TENM2: variants seen among roughly 807,000 people sequenced by gnomAD.
TENM2 encodes teneurin-2.
TENM2 carries 52 observed loss-of-function variants against 245.2 expected under a neutral mutation model. The ratio of observed to expected loss-of-function variants is 0.21; its 90% CI spans 0.17 to 0.27. The LOEUF (loss-of-function observed/expected upper bound fraction) is 0.27. TENM2 is among the 10% of genes least tolerant of loss of function. The pLI is 1.00. For missense variants in TENM2, 3,046 were observed against 3,666.8 expected, an observed-to-expected ratio of 0.83 and a Z score of 4.37; for synonymous variants, 1,363 against 1,438.9, an observed-to-expected ratio of 0.95 and a Z score of 1.19.
intron 13 of TENM2, chr5:168,186,111 C>T (rs1410279675): frequency 6.6e-6 from 1 of 151,692 alleles, no homozygotes; most frequent in African/African-American, 2.4e-5. Context: ...GGCTGATTAC[C>T]TTTCCAAGCT....
chr5:168,132,211 A>G (rs547785626), intron 12 of TENM2, among the ~76,000 whole-genome samples: 139 of 152,340 alleles, frequency 9.1e-4, no homozygotes, highest in African/African-American at 3.3e-3. Context: ...GCAAAAACAT[A>G]AAAGGAAAGA....
intron 2 of TENM2, among the ~76,000 whole-genome samples, chr5:167,476,753 C>T (rs1201537535): frequency 6.6e-6 from 1 of 152,092 alleles, no homozygotes; most frequent in Non-Finnish European, 1.5e-5. Flanking sequence ...CACCTGCTGT[C>T]ACGCCCAGCT....
intron 2 of TENM2, among the ~76,000 whole-genome samples, chr5:167,522,937 C>A (rs958734291): frequency 1.3e-5 from 2 of 152,080 alleles, no homozygotes; most frequent in African/African-American, 4.8e-5. Context: ...AACAAAAATT[C>A]ATTTTTTTGC....
intron 2 of TENM2, among the ~76,000 whole-genome samples, chr5:167,869,437 G>A (rs775292231): frequency 3.9e-5 from 6 of 152,156 alleles, no homozygotes; most frequent in Admixed American, 6.5e-5. Flanking sequence ...TGTTATTCAC[G>A]TCCCAGAGTC....
chr5:167,641,231 A>C (rs1375649196), intron 2 of TENM2, among the ~76,000 whole-genome samples: 1 of 152,114 alleles, frequency 6.6e-6, no homozygotes, highest in Non-Finnish European at 1.5e-5. Context: ...AAATCTAAAA[A>C]ATTAAAATTG....
chr5:167,873,519 A>G (rs984812140), intron 2 of TENM2, among the ~76,000 whole-genome samples: 2 of 152,122 alleles, frequency 1.3e-5, no homozygotes, highest in African/African-American at 2.4e-5. Flanking sequence ...CATGTATGAA[A>G]TGGGAATGTG....
intron 2 of TENM2, among the ~76,000 whole-genome samples, chr5:167,746,591 C>G (rs1561732548): frequency 6.6e-6 from 1 of 151,220 alleles, no homozygotes; most frequent in African/African-American, 2.4e-5. Context: ...GAATCTGTGC[C>G]AAGACTTAAG....
chr5:167,823,710 T>C (rs766037502), intron 2 of TENM2, among the ~76,000 whole-genome samples: 10 of 152,192 alleles, frequency 6.6e-5, no homozygotes, highest in Non-Finnish European at 1.3e-4. Flanking sequence ...AGAAAAATCG[T>C]TGTGACAGTT....
the TENM2 span, among the ~76,000 whole-genome samples, chr5:167,058,610 G>A: frequency 6.6e-6 from 1 of 152,166 alleles, no homozygotes; most frequent in East Asian, 1.9e-4. Context: ...AATCAGCCAG[G>A]TGTGGTGGTG....
intron 5 of TENM2, among the ~76,000 whole-genome samples, chr5:167,993,812 A>C (rs1783850020): frequency 1.3e-5 from 2 of 152,218 alleles, no homozygotes; most frequent in Admixed American, 1.3e-4. Flanking sequence ...CTGAATCTGA[A>C]TCAGGGTCAC....
chr5:167,742,609 C>T (rs907618141), intron 2 of TENM2, among the ~76,000 whole-genome samples: 17 of 151,954 alleles, frequency 1.1e-4, no homozygotes, highest in African/African-American at 4.1e-4. Flanking sequence ...GGGAAGGAGG[C>T]ATTGGGCTAA....
intron 2 of TENM2, among the ~76,000 whole-genome samples, chr5:167,850,148 G>T (rs1487385771): frequency 6.6e-6 from 1 of 152,132 alleles, no homozygotes; most frequent in South Asian, 2.1e-4. Flanking sequence ...CTCATGAGAA[G>T]ACAAAAGACT....
chr5:167,185,592 G>C, the TENM2 span, among the ~76,000 whole-genome samples: 1 of 151,978 alleles, frequency 6.6e-6, no homozygotes, highest in African/African-American at 2.4e-5. Flanking sequence ...CACTATCATA[G>C]ATTTCAAGTT....
At chr5:166,984,100 CT>C in the TENM2 span, among the ~76,000 whole-genome samples, 1 of 151,958 alleles carries the variant, frequency 6.6e-6, no homozygotes, top group Non-Finnish European at 1.5e-5. Context: ...TTTGTATAAT[CT>C]TTTCTGTTAA....
intron 3 of TENM2, among the ~76,000 whole-genome samples, chr5:167,929,898 G>T (rs56308207): frequency 0.036 from 5,554 of 152,286 alleles, 129 homozygotes; most frequent in Admixed American, 0.056. Context: ...GATAAGAGTT[G>T]TTGTGCCTCA....
intron 5 of TENM2, among the ~76,000 whole-genome samples, chr5:168,026,712 G>A (rs1322085450): frequency 1.3e-5 from 2 of 152,074 alleles, no homozygotes; most frequent in Admixed American, 6.5e-5. Context: ...TACAATAATA[G>A]CACTTATCTC....
At chr5:167,373,504 TC>T (rs1246600825) in intron 1 of TENM2, among the ~76,000 whole-genome samples, 3 of 152,246 alleles carry the variant, frequency 2.0e-5, no homozygotes, top group African/African-American at 7.2e-5. Context: ...TGCATTTTTT[TC>T]ATTGTCATAA....
At chr5:167,898,517 G>T (rs1425757603) in intron 3 of TENM2, among the ~76,000 whole-genome samples, 3 of 152,176 alleles carry the variant, frequency 2.0e-5, no homozygotes, top group Non-Finnish European at 4.4e-5. Flanking sequence ...ATGTAATAGG[G>T]CCAGGCAGCA....
chr5:167,069,661 T>A, the TENM2 span, among the ~76,000 whole-genome samples: 2 of 152,194 alleles, frequency 1.3e-5, no homozygotes, highest in Admixed American at 1.3e-4. Context: ...AATTTATTTA[T>A]AGAGAGATGT....
Sources: gnomAD v4.1 joint callset for allele counts (sites outside exome capture counted in the v4.1 genomes callset) on GRCh38, gnomAD v4.1.1 for gene constraint, MANE v1.5 for transcripts, NCBI Gene and HGNC (gene_info 2026-07-23, HGNC 2026-07-21) for gene names.